Variants in ABHD6 observed in about 807,000 individuals in gnomAD.
The protein encoded by ABHD6 is monoacylglycerol lipase ABHD6.
Under a neutral mutation model 38.8 loss-of-function variants are expected in ABHD6, and 33 were observed. The observed-to-expected ratio is 0.85, with a 90% CI of 0.64 to 1.14. The LOEUF is 1.14. Ranked by LOEUF, ABHD6 falls within the 50% of genes most tolerant of loss-of-function variation. The pLI is 0.00. For missense variants in ABHD6, 380 were observed against 422.6 expected (o/e 0.90, Z 0.88); for synonymous variants, 147 against 161.6 (o/e 0.91, Z 0.69).
Position 58,274,670 on chromosome 3 carries a change from C to T in ABHD6, c.536C>T (p.Ser179Leu). The T allele has an allele frequency of 6.2e-7, 1 of 1,614,124 alleles. No homozygotes were observed. Residue 179 changes from serine (S) to leucine (L), a missense_variant, in exon 7 of 10, where the codon TCA (serine) becomes TTA (leucine). Transcript: ENST00000478253. ...CLVCPAGLQYSTDNQFVQRLK... is the reference protein window; with the variant it reads ...CLVCPAGLQYLTDNQFVQRLK... ...TTGAATCCCACAGGCCTGCAGTACTCAACTGACAATCAATTTGTACAACGG... is the reference window on the plus strand; with the variant it reads ...TTGAATCCCACAGGCCTGCAGTACTTAACTGACAATCAATTTGTACAACGG...
Position 58,269,344 on chromosome 3 carries a change from G to C in ABHD6, c.300G>C (p.Leu100Phe). 1.2e-6 allele frequency: 2 copies of C among 1,613,866 alleles called. No individual in the cohort carries two copies. Among genetic ancestry groups the C allele is most frequent in the Non-Finnish European group, 1.7e-6 (2 of 1,179,848 alleles). Residue 100 changes from leucine (L) to phenylalanine (F), a missense_variant, in exon 5 of 10, where the codon TTG becomes TTC. Transcript: ENST00000478253. The surrounding 1 kb of genome is among the most constrained non-coding windows in gnomAD (Gnocchi z 4.4). ...AGTTCCTTCCAAAGAACCTGCACTT[G>C]GTCTGCGTGGACATGCCAGGACATG... The part of the protein sequence containing the change: ...VVKFLPKNLH[L>F]VCVDMPGHEG...
chr3:58,290,303 C>G (rs1287654046), intron 9 of ABHD6, among the ~76,000 whole-genome samples: 1 of 143,866 alleles, frequency 7.0e-6, no homozygotes, highest in Non-Finnish European at 1.5e-5. Context: ...GGCTGACCCC[C>G]CCCACCTCCC....
chr3:58,272,885 C>T (rs908736384), intron 6 of ABHD6, among the ~76,000 whole-genome samples: 60 of 152,094 alleles, frequency 3.9e-4, no homozygotes, highest in African/African-American at 1.4e-3. Flanking sequence ...TATTATAGAG[C>T]GCCCCATATA....
intron 9 of ABHD6, among the ~76,000 whole-genome samples, chr3:58,292,715 G>A (rs917581195): frequency 1.3e-5 from 2 of 151,812 alleles, no homozygotes; most frequent in African/African-American, 4.8e-5. Context: ...TCAGGAGTTC[G>A]AGACCAGCCT....
chr3:58,282,014 C>G (rs2097453656), intron 7 of ABHD6, among the ~76,000 whole-genome samples: 1 of 152,126 alleles, frequency 6.6e-6, no homozygotes, highest in African/African-American at 2.4e-5. Flanking sequence ...AATGAATGTA[C>G]AAGCACTTAT....
At chr3:58,278,287 T>C (rs1165283085) in intron 7 of ABHD6, among the ~76,000 whole-genome samples, 1 of 152,244 alleles carries the variant, frequency 6.6e-6, no homozygotes, top group Non-Finnish European at 1.5e-5. Context: ...GAGCCTGTTA[T>C]TAGTCTATTC....
intron 3 of ABHD6, among the ~76,000 whole-genome samples, chr3:58,261,588 T>C (rs1313015765): frequency 6.6e-6 from 1 of 152,182 alleles, no homozygotes; most frequent in Non-Finnish European, 1.5e-5. Context: ...GCTCAAGCGA[T>C]CCACCCACCT....
intron 9 of ABHD6, among the ~76,000 whole-genome samples, chr3:58,291,195 A>C (rs1356306516): frequency 3.6e-5 from 2 of 56,248 alleles, no homozygotes; most frequent in Admixed American, 1.6e-4. Context: ...TGGCCAACAC[A>C]GTGAAACCCG....
intron 1 of ABHD6, among the ~76,000 whole-genome samples, chr3:58,245,221 A>G (rs182275456): frequency 9.2e-5 from 14 of 152,186 alleles, no homozygotes; most frequent in African/African-American, 3.4e-4. Flanking sequence ...CTGGAGTGCA[A>G]TGGCTCGATC....
chr3:58,278,895 A>G (rs1050439137), intron 7 of ABHD6, among the ~76,000 whole-genome samples: 2 of 152,160 alleles, frequency 1.3e-5, no homozygotes, highest in African/African-American at 2.4e-5. Context: ...TTCAGTTTCC[A>G]TGTAGTTGTG....
intron 9 of ABHD6, among the ~76,000 whole-genome samples, chr3:58,286,502 A>ATTTTCT (rs2097457117): frequency 3.3e-5 from 5 of 152,066 alleles, no homozygotes; most frequent in African/African-American, 1.2e-4. Context: ...GTAAAGGGCC[A>ATTTTCT]GATGGTAAAC....
Position 58,274,821 on chromosome 3 carries a change from G to A in ABHD6, c.681+6G>A, listed in dbSNP as rs776694323. ...GCTTCAAGGTGCCCCAGCAGGTAAC[G>A]TGGTTGCAGCAGCGACACAACTACC... On this transcript the variant is annotated splice_donor_region_variant and intron_variant, in intron 7 of 9. Coordinates refer to ENST00000478253, the MANE Select transcript of ABHD6 (RefSeq NM_001320126.2). 8.1e-6 allele frequency: 13 copies of A among 1,612,384 alleles called. No individual in the cohort carries two copies. In the Admixed American group the frequency reaches 1.0e-4, roughly 12 times the overall value.
At chr3:58,292,802 A>G (rs1575535922) in intron 9 of ABHD6, among the ~76,000 whole-genome samples, 1 of 152,284 alleles carries the variant, frequency 6.6e-6, no homozygotes, top group East Asian at 1.9e-4. Flanking sequence ...CTATAATCCC[A>G]GCTACTGGGG....
rs1575521153 is a variant in ABHD6, at chr3:58,263,321, T to G, written c.120-3868T>G. Among the ~76,000 whole-genome samples, 1 of 147,440 alleles carries G rather than the reference T, an allele frequency of 6.8e-6. No homozygotes were observed. The highest frequency in any genetic ancestry group is 2.5e-5 in the African/African-American group (1 of 39,516). ...GGGAGAATCACTTGAACCCGGGAGG[T>G]GGAGGTTGCAGTGAACTGAGATTGC... On this transcript the variant is annotated intron_variant, in intron 3 of 9. Coordinates refer to ENST00000478253, the MANE Select transcript of ABHD6 (RefSeq NM_001320126.2). The surrounding 1 kb of genome is among the most constrained non-coding windows in gnomAD (Gnocchi z 4.9).
intron 7 of ABHD6, among the ~76,000 whole-genome samples, chr3:58,278,338 A>T (rs2097450409): frequency 2.0e-5 from 3 of 152,172 alleles, no homozygotes. Context: ...GGGAGGGTGT[A>T]TGTGTCCAGG....
chr3:58,290,499 G>T (rs1365305376), intron 9 of ABHD6, among the ~76,000 whole-genome samples: 4 of 134,876 alleles, frequency 3.0e-5, no homozygotes, highest in Admixed American at 7.1e-5. Context: ...CCCGGACGGG[G>T]CGGCTGGCCT....
intron 1 of ABHD6, among the ~76,000 whole-genome samples, chr3:58,242,952 A>G (rs1432084318): frequency 1.3e-5 from 2 of 151,920 alleles, no homozygotes; most frequent in Non-Finnish European, 2.9e-5. Context: ...ATTCCCACCT[A>G]TGAGTGAGAC....
intron 5 of ABHD6, among the ~76,000 whole-genome samples, 162 bp from the exon 6 acceptor site, chr3:58,270,770 C>A (rs574502587): frequency 2.6e-5 from 4 of 152,284 alleles, no homozygotes; most frequent in Non-Finnish European, 5.9e-5. Context: ...TCCATGCATG[C>A]CACAGGGCTC....
Position 58,293,444 on chromosome 3 carries a change from C to T in ABHD6, c.838-145C>T. The T allele has an allele frequency of 1.3e-6, 1 of 782,564 alleles. No homozygotes were observed. The highest frequency in any genetic ancestry group is 2.0e-6 in the Non-Finnish European group (1 of 502,720). 48.5% of individuals were successfully genotyped at this position (782,564 alleles called of 1,614,324 possible). On this transcript the variant is annotated intron_variant, in intron 9 of 9. Coordinates refer to ENST00000478253, the MANE Select transcript of ABHD6 (RefSeq NM_001320126.2). This position sits in a 1 kb window ranked among gnomAD's most constrained non-coding sequence, Gnocchi z 4.4. ...CTTCCATTCAGACAGCCACAAGCCC[C>T]AACACCAAAGGGACTTGGTCCTAAA...
Sources: allele counts gnomAD v4.1 joint callset (sites outside exome capture counted in the v4.1 genomes callset), GRCh38; gene constraint gnomAD v4.1.1; non-coding constraint Gnocchi (gnomAD v3.1); transcripts MANE v1.5; gene names NCBI Gene and HGNC (gene_info 2026-07-23, HGNC 2026-07-21).